The following BDH1 variants were observed in gnomAD, a reference collection of about 807,000 sequenced individuals.
BDH1 encodes the protein D-beta-hydroxybutyrate dehydrogenase, mitochondrial.
In BDH1, 30 loss-of-function variants were observed where a neutral mutation model predicts 33.1. That is an observed-to-expected ratio of 0.91 (90% CI 0.68 to 1.23). The LOEUF (loss-of-function observed/expected upper bound fraction) is 1.23, where lower values mean the gene tolerates loss of function less well. Among genes scored for constraint, BDH1 ranks in the 50% most tolerant of loss-of-function variants. BDH1 has a pLI of 0.00. For synonymous variants in BDH1, 190 were observed against 183.6 expected, an observed-to-expected ratio of 1.03 and a Z score of -0.28; for missense variants, 443 against 464.4, an observed-to-expected ratio of 0.95 and a Z score of 0.42.
chr3:197,536,497 A>G (rs1715165177), intron 3 of BDH1, among the ~76,000 whole-genome samples: 2 of 152,200 alleles, frequency 1.3e-5, no homozygotes, highest in South Asian at 4.1e-4. Flanking sequence ...GTTTCCATTT[A>G]CATAGATCTT....
chr3:197,534,529 C>T (rs1714978066), intron 3 of BDH1, among the ~76,000 whole-genome samples: 1 of 152,184 alleles, frequency 6.6e-6, no homozygotes, highest in African/African-American at 2.4e-5. Flanking sequence ...AATAAAGCTG[C>T]TTGAACATTC....
At chr3:197,519,849 G>A (rs1025814186) in intron 6 of BDH1, among the ~76,000 whole-genome samples, 8 of 152,074 alleles carry the variant, frequency 5.3e-5, no homozygotes, top group East Asian at 3.9e-4. Context: ...GGTCGGGGCC[G>A]GTGGCAGATG....
chr3:197,553,722 C>T (rs572845537), intron 2 of BDH1, among the ~76,000 whole-genome samples: 13 of 152,260 alleles, frequency 8.5e-5, no homozygotes, highest in Admixed American at 2.6e-4. Context: ...TGCACCACTG[C>T]AGTGAGATGT....
At chr3:197,524,641 A>G (rs929720425) in intron 5 of BDH1, among the ~76,000 whole-genome samples, 1 of 150,642 alleles carries the variant, frequency 6.6e-6, no homozygotes, top group African/African-American at 2.4e-5. Context: ...TCAGCTCAAA[A>G]TGAGGCGTGA....
chr3:197,545,226 G>A (rs1715974073), intron 3 of BDH1, among the ~76,000 whole-genome samples: 2 of 152,120 alleles, frequency 1.3e-5, no homozygotes, highest in Admixed American at 1.3e-4. Context: ...TGGCAGCAGA[G>A]CCCACTGAAT....
At chr3:197,519,420 G>A (rs759794101) in intron 6 of BDH1, among the ~76,000 whole-genome samples, 1 of 151,930 alleles carries the variant, frequency 6.6e-6, no homozygotes, top group Non-Finnish European at 1.5e-5. Flanking sequence ...CAGCACTTTG[G>A]GAGTCCAAGG....
chr3:197,548,260 C>T (rs983254858), intron 2 of BDH1, among the ~76,000 whole-genome samples: 1 of 150,960 alleles, frequency 6.6e-6, no homozygotes, highest in African/African-American at 2.5e-5. Flanking sequence ...CCCACGTTGG[C>T]TCAGACTTTT....
chr3:197,512,378 C>A lies in BDH1; in HGVS notation c.563-14G>T, dbSNP rs771675343. 1 of 1,592,820 alleles carries A rather than the reference C, an allele frequency of 6.3e-7. No homozygotes were observed. The highest frequency in any genetic ancestry group is 8.5e-7 in the Non-Finnish European group (1 of 1,173,212). ...TGACGACGCGGCCTACAGAGGGAGACAGAGGTACCTGCTAAGCCGTTACTG... is the reference window on the plus strand; with the variant it reads ...TGACGACGCGGCCTACAGAGGGAGAAAGAGGTACCTGCTAAGCCGTTACTG... On this transcript the variant is annotated splice_polypyrimidine_tract_variant and intron_variant, in intron 7 of 7. Coordinates refer to ENST00000392379, the MANE Select transcript of BDH1 (RefSeq NM_203314.3).
chr3:197,546,159 T>C (rs562749117), intron 3 of BDH1: 2 of 524,116 alleles, frequency 3.8e-6, no homozygotes, highest in Middle Eastern at 1.0e-3. Flanking sequence ...TAAGTGGTTA[T>C]GAAAGATATT....
intron 3 of BDH1, among the ~76,000 whole-genome samples, chr3:197,543,838 G>A (rs1480578599): frequency 6.6e-6 from 1 of 152,170 alleles, no homozygotes; most frequent in Non-Finnish European, 1.5e-5. Flanking sequence ...GGGTATTGAG[G>A]TGGCACAGTG....
rs554672425 is a variant in BDH1, at chr3:197,516,561, G to A, written c.410-2145C>T. Among the ~76,000 whole-genome samples the A allele has an allele frequency of 5.8e-4, 88 of 152,062 alleles. No individual in the cohort carries two copies. Among genetic ancestry groups the A allele is most frequent in the Non-Finnish European group, 9.3e-4 (63 of 67,966 alleles). ...CTGTAACATCCCCAAGATCGCCTCC[G>A]CACCAGTGGCCCCTCAGTTCTCCTT... is the stretch of plus-strand genomic sequence containing the variant. On this transcript the variant is annotated intron_variant, in intron 6 of 7. Transcript: ENST00000392379. The surrounding 1 kb of genome is among the most constrained non-coding windows in gnomAD (Gnocchi z 4.2).
chr3:197,571,022 C>T (rs1717589094), intron 1 of BDH1, among the ~76,000 whole-genome samples: 2 of 152,222 alleles, frequency 1.3e-5, no homozygotes, highest in South Asian at 4.1e-4. Flanking sequence ...CTGCCCAAGA[C>T]CATGGGAACC....
intron 3 of BDH1, among the ~76,000 whole-genome samples, chr3:197,540,555 GCTA>G (rs559936578): frequency 1.3e-5 from 2 of 152,012 alleles, no homozygotes; most frequent in Non-Finnish European, 2.9e-5. Context: ...TATAATCCCA[GCTA>G]CTCAGGAGGC....
intron 1 of BDH1, among the ~76,000 whole-genome samples, chr3:197,569,133 A>G (rs1281849935): frequency 2.0e-5 from 3 of 152,210 alleles, no homozygotes; most frequent in Admixed American, 2.0e-4. Flanking sequence ...ATCCCACCCA[A>G]GTCTGTCCTA....
At chr3:197,561,338 C>A (rs1387777922) in intron 1 of BDH1, among the ~76,000 whole-genome samples, 1 of 147,276 alleles carries the variant, frequency 6.8e-6, no homozygotes. Flanking sequence ...CTGTACAACT[C>A]CCCCCCACCT....
intron 2 of BDH1, among the ~76,000 whole-genome samples, chr3:197,548,001 G>A (rs1457667721): frequency 6.6e-6 from 1 of 152,180 alleles, no homozygotes; most frequent in Non-Finnish European, 1.5e-5. Flanking sequence ...TAGATCCTAA[G>A]CTCAGTGACA....
chr3:197,536,219 TGG>T (rs1715141639), intron 3 of BDH1, among the ~76,000 whole-genome samples: 1 of 152,196 alleles, frequency 6.6e-6, no homozygotes, highest in Admixed American at 6.5e-5. Flanking sequence ...TGTCAAAAAT[TGG>T]TTGGGCATAT....
chr3:197,552,918 T>C (rs537523684), intron 2 of BDH1, among the ~76,000 whole-genome samples: 1 of 152,280 alleles, frequency 6.6e-6, no homozygotes, highest in Non-Finnish European at 1.5e-5. Flanking sequence ...ACACACAATA[T>C]TGATTGATTG....
At chr3:197,563,154 G>A (rs1488735129) in intron 1 of BDH1, among the ~76,000 whole-genome samples, 1 of 152,180 alleles carries the variant, frequency 6.6e-6, no homozygotes, top group Non-Finnish European at 1.5e-5. Flanking sequence ...ACACATGTAT[G>A]TATTTGAAGG....
Sources: allele counts gnomAD v4.1 joint callset (sites outside exome capture counted in the v4.1 genomes callset), GRCh38; gene constraint gnomAD v4.1.1; non-coding constraint Gnocchi (gnomAD v3.1); transcripts MANE v1.5; gene names NCBI Gene and HGNC (gene_info 2026-07-23, HGNC 2026-07-21).